Variants in TLN2 observed in about 807,000 individuals in gnomAD.
TLN2 encodes the protein talin 2.
Under a neutral mutation model 294.7 loss-of-function variants are expected in TLN2, and 118 were observed. That is an observed-to-expected ratio of 0.40 (90% CI 0.34 to 0.47). The LOEUF (loss-of-function observed/expected upper bound fraction) is 0.47. TLN2 is among the 20% of genes least tolerant of loss of function. The probability of loss-of-function intolerance (pLI) is 0.84; values close to 1 mark genes in which losing one functional copy is unlikely to be tolerated. For synonymous variants in TLN2, 1,431 were observed against 1,304.5 expected, an observed-to-expected ratio of 1.10 and a Z score of -2.09; for missense variants, 3,083 against 3,282.2, an observed-to-expected ratio of 0.94 and a Z score of 1.48.
At position 62,571,341 on chromosome 15, in the gene TLN2, G is replaced by A. The variant is rs149732497; in HGVS notation, c.-237-18346G>A. 2.0e-3 allele frequency among the ~76,000 whole-genome samples: 303 copies of A among 152,300 alleles called. 2 individuals carry two copies. Among genetic ancestry groups the A allele is most frequent in the Middle Eastern group, 6.8e-3 (2 of 294 alleles). On this transcript the variant is annotated intron_variant, in intron 1 of 58. Coordinates refer to ENST00000636159, the MANE Select transcript of TLN2 (RefSeq NM_015059.3). The stretch of plus-strand genomic sequence containing the variant: ...TGCCAAACTGTAATGTCAAGGTGAC[G>A]TGCTCTTTGGGTGAATATAGTTCCT...
rs571006879 is a variant in TLN2, at chr15:62,414,654, G to A, written c.-238+23969G>A. Among the ~76,000 whole-genome samples the A allele has an allele frequency of 6.4e-5, 9 of 141,438 alleles. 2 individuals carry two copies. In the South Asian group the frequency reaches 8.1e-4, roughly 13 times the overall value. 92.8% of individuals were successfully genotyped at this position (141,438 alleles called of 152,430 possible). A position where few individuals can be genotyped will look rare whatever the true frequency, so the allele number is the denominator to read the frequency against. On this transcript the variant is annotated intron_variant, in intron 1 of 58. Transcript: ENST00000636159. ...AAAAGTGATTTGGACGTTCAGTCTA[G>A]TGGGTCATTTCCCAAAGCATTTCAT...
intron 3 of TLN2, among the ~76,000 whole-genome samples, chr15:62,642,953 C>T (rs1161221554): frequency 6.6e-6 from 1 of 152,156 alleles, no homozygotes. Flanking sequence ...CTGCCCAACT[C>T]GGCCTCCCAA....
chr15:62,744,976 C>T (rs901452396), intron 32 of TLN2, among the ~76,000 whole-genome samples: 1 of 150,942 alleles, frequency 6.6e-6, no homozygotes. Flanking sequence ...ATGTCTGCTG[C>T]TGCTTTTTAC....
At chr15:62,748,192 G>T (rs2061720732) in intron 32 of TLN2, among the ~76,000 whole-genome samples, 159 bp from the exon 33 acceptor site, 1 of 152,014 alleles carries the variant, frequency 6.6e-6, no homozygotes, top group Non-Finnish European at 1.5e-5. Context: ...CCCTGGGTGT[G>T]GTTTATTTTT....
chr15:62,462,086 T>C (rs1294531504), intron 1 of TLN2, among the ~76,000 whole-genome samples: 4 of 152,008 alleles, frequency 2.6e-5, no homozygotes, highest in African/African-American at 9.7e-5. Flanking sequence ...AATACAAAAA[T>C]TAGCCGGGCG....
At position 62,707,214 on chromosome 15, in the gene TLN2, G is replaced by T; in HGVS notation, c.2133G>T (p.Gln711His). The T allele has an allele frequency of 1.2e-6, 2 of 1,613,706 alleles. No individual in the cohort carries two copies. The highest frequency in any genetic ancestry group is 1.7e-6 in the Non-Finnish European group (2 of 1,179,772). Residue 711 changes from glutamine (Q) to histidine (H), a missense_variant, in exon 20 of 59, where the codon CAG becomes CAT. Gln to His is a conservative substitution (Grantham distance 24). Transcript: ENST00000636159. ...LQNRVIAAAT[Q>H]CALSTSQLVA... ...ACAGGGTAATTGCTGCTGCCACCCA[G>T]TGTGCCCTCTCCACCTCCCAGCTTG...
chr15:62,653,117 A>G, intron 6 of TLN2, 45 bp from the exon 7 acceptor site: 1 of 1,461,508 alleles, frequency 6.8e-7, no homozygotes, highest in Non-Finnish European at 9.2e-7. Flanking sequence ...AGAGGTTGAC[A>G]GCAGTTTAAT....
At chr15:62,391,182 C>T (rs2032051228) in intron 1 of TLN2, among the ~76,000 whole-genome samples, 1 of 152,252 alleles carries the variant, frequency 6.6e-6, no homozygotes, top group Non-Finnish European at 1.5e-5. Flanking sequence ...ACTCCAGCGC[C>T]ACTTTGCAAA....
rs569779345 is a variant in TLN2, at chr15:62,787,172, G to A, written c.5736+3282G>A. On this transcript the variant is annotated intron_variant, in intron 45 of 58. Coordinates refer to ENST00000636159, the MANE Select transcript of TLN2 (RefSeq NM_015059.3). Reference sequence around the variant, plus strand: ...CAGCCTCCCAAGTGCTGGGATTACAGATGTGAGCCACCATGCCCAGCCACT... The same window carrying A: ...CAGCCTCCCAAGTGCTGGGATTACAAATGTGAGCCACCATGCCCAGCCACT... Among the ~76,000 whole-genome samples, 6 of 152,270 alleles carry A rather than the reference G, an allele frequency of 3.9e-5. No individual in the cohort carries two copies. The East Asian group carries it at 1.2e-3, about 29-fold the overall frequency.
chr15:62,541,016 G>A (rs2041653934), intron 1 of TLN2, among the ~76,000 whole-genome samples: 1 of 152,184 alleles, frequency 6.6e-6, no homozygotes, highest in Non-Finnish European at 1.5e-5. Flanking sequence ...TGAGAGTCAT[G>A]TGCTTTAGGA....
intron 9 of TLN2, among the ~76,000 whole-genome samples, chr15:62,668,125 T>C (rs1198723333): frequency 6.6e-6 from 1 of 152,204 alleles, no homozygotes; most frequent in Non-Finnish European, 1.5e-5. Flanking sequence ...AGAGGCCTAA[T>C]GTTCCTTATG....
chr15:62,581,089 G>A (rs769340801), intron 1 of TLN2, among the ~76,000 whole-genome samples: 5 of 152,010 alleles, frequency 3.3e-5, no homozygotes, highest in Non-Finnish European at 5.9e-5. Flanking sequence ...TCACCATGTT[G>A]GCCCGGATGG....
chr15:62,455,062 G>A (rs578028463), intron 1 of TLN2, among the ~76,000 whole-genome samples: 3 of 152,140 alleles, frequency 2.0e-5, no homozygotes, highest in Non-Finnish European at 4.4e-5. Flanking sequence ...CTAAGCACAA[G>A]GAATTTGAGC....
intron 4 of TLN2, among the ~76,000 whole-genome samples, chr15:62,648,442 A>G (rs1166206057): frequency 1.3e-5 from 2 of 150,962 alleles, no homozygotes; most frequent in African/African-American, 4.9e-5. Flanking sequence ...AAGAATAAAA[A>G]TCAAACATCA....
At chr15:62,487,946 C>G (rs1486827262) in intron 1 of TLN2, among the ~76,000 whole-genome samples, 2 of 150,404 alleles carry the variant, frequency 1.3e-5, no homozygotes, top group Non-Finnish European at 2.9e-5. Context: ...GGCATGGTGG[C>G]ACGTGCCTGT....
chr15:62,693,315 G>A (rs558719724), intron 13 of TLN2, among the ~76,000 whole-genome samples: 1 of 152,170 alleles, frequency 6.6e-6, no homozygotes, highest in Non-Finnish European at 1.5e-5. Context: ...CTGGGTGACA[G>A]AGCGAGATTC....
At chr15:62,812,317 A>G (rs1019908474) in intron 52 of TLN2, among the ~76,000 whole-genome samples, 1 of 152,178 alleles carries the variant, frequency 6.6e-6, no homozygotes, top group African/African-American at 2.4e-5. Context: ...GCACCTGTGC[A>G]GCATTGATAA....
intron 1 of TLN2, among the ~76,000 whole-genome samples, chr15:62,417,872 C>G (rs907827051): frequency 5.3e-5 from 8 of 152,198 alleles, no homozygotes; most frequent in African/African-American, 1.7e-4. Context: ...GTCCCTTTTC[C>G]CATCTCACAT....
intron 1 of TLN2, among the ~76,000 whole-genome samples, chr15:62,431,679 G>C (rs1289385597): frequency 6.6e-6 from 1 of 152,196 alleles, no homozygotes; most frequent in East Asian, 1.9e-4. Flanking sequence ...ACATGGACTT[G>C]TGCAGCTTTC....
Sources: gnomAD v4.1 joint callset for allele counts (sites outside exome capture counted in the v4.1 genomes callset) on GRCh38, gnomAD v4.1.1 for gene constraint, MANE v1.5 for transcripts, NCBI Gene and HGNC (gene_info 2026-07-23, HGNC 2026-07-21) for gene names.